PTPRM: variants seen among roughly 807,000 people sequenced by gnomAD.
PTPRM encodes receptor-type tyrosine-protein phosphatase mu.
PTPRM carries 47 observed loss-of-function variants against 186.7 expected under a neutral mutation model. That is an observed-to-expected ratio of 0.25 (90% confidence interval 0.20 to 0.32). The LOEUF (loss-of-function observed/expected upper bound fraction) is 0.32. Among genes scored for constraint, PTPRM ranks in the 10% least tolerant of loss-of-function variants. PTPRM has a pLI of 1.00. For missense variants in PTPRM, 1,494 were observed against 1,865.0 expected (o/e 0.80, Z 3.66); for synonymous variants, 668 against 674.9 (o/e 0.99, Z 0.16).
At chr18:7,596,379 T>C (rs1354879784) in intron 1 of PTPRM, among the ~76,000 whole-genome samples, 1 of 152,212 alleles carries the variant, frequency 6.6e-6, no homozygotes, top group East Asian at 1.9e-4. Context: ...AATTTTCCAT[T>C]TATGTCACAA....
chr18:8,329,723 T>G (rs1167073564), intron 22 of PTPRM, among the ~76,000 whole-genome samples: 2 of 152,018 alleles, frequency 1.3e-5, no homozygotes, highest in African/African-American at 4.8e-5. Flanking sequence ...GGAGTATAAA[T>G]AAATGATACC....
At chr18:7,846,480 A>C (rs35438065) in intron 2 of PTPRM, among the ~76,000 whole-genome samples, 1 of 152,058 alleles carries the variant, frequency 6.6e-6, no homozygotes, top group Non-Finnish European at 1.5e-5. Context: ...TTGCTGTGGC[A>C]ACTGGTGTCC....
intron 23 of PTPRM, among the ~76,000 whole-genome samples, chr18:8,359,616 T>C (rs1238363019): frequency 6.6e-6 from 1 of 152,202 alleles, no homozygotes; most frequent in Non-Finnish European, 1.5e-5. Flanking sequence ...TCACCTGCCT[T>C]TGTATCTAAA....
Position 7,980,784 on chromosome 18 carries a change from G to A in PTPRM, c.1132+25370G>A, listed in dbSNP as rs117234008. Among the ~76,000 whole-genome samples, 1,252 of 152,116 alleles carry A rather than the reference G, an allele frequency of 8.2e-3. 7 individuals are homozygous for A. The highest frequency in any genetic ancestry group is 0.033 in the South Asian group (160 of 4,816). On this transcript the variant is annotated intron_variant, in intron 7 of 32. Transcript: ENST00000580170. ...ACACAGCTCCCCTATCCTCCTCCCC[G>A]TTGCCTGCTTCCCGTTTCTCCATAA...
At chr18:7,806,976 C>T (rs1430408797) in intron 2 of PTPRM, among the ~76,000 whole-genome samples, 1 of 152,192 alleles carries the variant, frequency 6.6e-6, no homozygotes, top group Non-Finnish European at 1.5e-5. Flanking sequence ...CTCTGCCTTT[C>T]CCACCTCCCT....
intron 7 of PTPRM, among the ~76,000 whole-genome samples, chr18:7,961,800 T>G (rs1599738965): frequency 6.9e-6 from 1 of 145,598 alleles, no homozygotes. Flanking sequence ...AAAGCGATAG[T>G]GTTTTTATAA....
At chr18:8,205,740 AT>A (rs1179577130) in intron 14 of PTPRM, among the ~76,000 whole-genome samples, 1 of 152,150 alleles carries the variant, frequency 6.6e-6, no homozygotes, top group Non-Finnish European at 1.5e-5. Context: ...ATAGTGTCAG[AT>A]TGTACTATGT....
At chr18:7,685,609 T>G (rs1329319757) in intron 1 of PTPRM, among the ~76,000 whole-genome samples, 1 of 152,164 alleles carries the variant, frequency 6.6e-6, no homozygotes, top group Non-Finnish European at 1.5e-5. Flanking sequence ...AGTTAGAAGG[T>G]TGATTGTATG....
At chr18:7,578,636 A>T (rs1268164751) in intron 1 of PTPRM, among the ~76,000 whole-genome samples, 32 of 136,530 alleles carry the variant, frequency 2.3e-4, no homozygotes, top group Non-Finnish European at 4.3e-4. Flanking sequence ...CGCCTGGCCA[A>T]TTTTTTTTTT....
intron 7 of PTPRM, among the ~76,000 whole-genome samples, chr18:8,046,291 G>A (rs2087047205): frequency 3.3e-5 from 5 of 152,316 alleles, no homozygotes; most frequent in Admixed American, 2.0e-4. Flanking sequence ...CATGAGAACA[G>A]ACTAATACAG....
At chr18:7,734,941 C>T (rs1347639003) in intron 1 of PTPRM, among the ~76,000 whole-genome samples, 1 of 152,042 alleles carries the variant, frequency 6.6e-6, no homozygotes, top group Non-Finnish European at 1.5e-5. Context: ...CACACACACA[C>T]GTTAACCAAA....
intron 23 of PTPRM, chr18:8,360,815 C>A (rs765960054): frequency 1.3e-5 from 2 of 152,216 alleles, no homozygotes; most frequent in Admixed American, 6.5e-5. Flanking sequence ...GAACTCTTAT[C>A]ACTTAAAATT....
intron 14 of PTPRM, among the ~76,000 whole-genome samples, chr18:8,228,051 A>G (rs370689686): frequency 2.0e-4 from 30 of 152,362 alleles, no homozygotes; most frequent in African/African-American, 6.7e-4. Flanking sequence ...TCAGTGTTTA[A>G]AAATCTTCGG....
At chr18:8,328,896 C>G (rs531597179) in intron 22 of PTPRM, among the ~76,000 whole-genome samples, 2 of 152,316 alleles carry the variant, frequency 1.3e-5, no homozygotes, top group East Asian at 3.9e-4. Flanking sequence ...ATAGACATTT[C>G]TCATCCCTGT....
chr18:8,190,451 T>G (rs1380995616), intron 14 of PTPRM, among the ~76,000 whole-genome samples: 1 of 152,218 alleles, frequency 6.6e-6, no homozygotes, highest in East Asian at 1.9e-4. Flanking sequence ...GAATTTCCTT[T>G]AATTTATCCC....
Position 8,133,568 on chromosome 18 carries a change from T to A in PTPRM, c.2168-10079T>A, listed in dbSNP as rs2145970858. ...TTTTCTGCAAAGCAATTAGGAGCAGTAGTTGGAATGTGTGGCCTTTGAAGA... is the reference window on the plus strand; with the variant it reads ...TTTTCTGCAAAGCAATTAGGAGCAGAAGTTGGAATGTGTGGCCTTTGAAGA... On this transcript the variant is annotated intron_variant, in intron 13 of 32. Coordinates refer to ENST00000580170, the MANE Select transcript of PTPRM (RefSeq NM_001105244.2). Among the ~76,000 whole-genome samples the A allele has an allele frequency of 1.3e-5, 2 of 152,162 alleles. 1 individual carries two copies. Among genetic ancestry groups the A allele is most frequent in the South Asian group, 4.2e-4 (2 of 4,812 alleles).
chr18:8,212,452 C>A (rs2094019402), intron 14 of PTPRM, among the ~76,000 whole-genome samples: 1 of 152,004 alleles, frequency 6.6e-6, no homozygotes, highest in Non-Finnish European at 1.5e-5. Context: ...TGTGTATACA[C>A]ACACACACGA....
chr18:8,151,809 G>A (rs1222191966), intron 14 of PTPRM, among the ~76,000 whole-genome samples: 2 of 152,008 alleles, frequency 1.3e-5, no homozygotes, highest in Admixed American at 6.5e-5. Flanking sequence ...GGGATCCCCT[G>A]GTCTGTGGGT....
chr18:7,903,283 G>A (rs979443473), intron 3 of PTPRM, among the ~76,000 whole-genome samples: 7 of 152,178 alleles, frequency 4.6e-5, no homozygotes, highest in Non-Finnish European at 7.4e-5. Context: ...ACATTTCTGC[G>A]TTTGGTTTTC....
Sources: allele counts gnomAD v4.1 joint callset (sites outside exome capture counted in the v4.1 genomes callset), GRCh38; gene constraint gnomAD v4.1.1; transcripts MANE v1.5; gene names NCBI Gene and HGNC (gene_info 2026-07-23, HGNC 2026-07-21).